The following TDRD12 variants were observed in gnomAD, a reference collection of about 807,000 sequenced individuals.
TDRD12 encodes tudor domain containing 12, also known as putative ATP-dependent RNA helicase TDRD12.
TDRD12 carries 158 observed loss-of-function variants against 133.5 expected under a neutral mutation model. The observed-to-expected ratio is 1.18, with a 90% CI of 1.04 to 1.35. The LOEUF is 1.35. TDRD12 is among the 40% of genes most tolerant of loss of function. The pLI is 0.00. For synonymous variants in TDRD12, 460 were observed against 477.9 expected, an observed-to-expected ratio of 0.96 and a Z score of 0.49; for missense variants, 1,443 against 1,321.3, an observed-to-expected ratio of 1.09 and a Z score of -1.43.
chr19:32,763,154 G>A (rs1357583093), intron 8 of TDRD12, among the ~76,000 whole-genome samples: 2 of 152,192 alleles, frequency 1.3e-5, no homozygotes, highest in Non-Finnish European at 2.9e-5. Flanking sequence ...ACTGGAGTTG[G>A]ATTACTGTCT....
At chr19:32,811,314 A>G (rs1029938877) in exon 24 of TDRD12, 16 of 1,536,004 alleles carry the variant, frequency 1.0e-5, no homozygotes, top group African/African-American at 1.4e-5. Context: ...ACAAGGGACC[A>G]GCTGCTGCAT....
At chr19:32,781,496 T>C (rs895728186) in intron 11 of TDRD12, among the ~76,000 whole-genome samples, 1 of 151,914 alleles carries the variant, frequency 6.6e-6, no homozygotes, top group African/African-American at 2.4e-5. Context: ...GAGCATCCTT[T>C]AGTAGCTTTC....
At chr19:32,818,984 G>A (rs776900777) in intron 27 of TDRD12, among the ~76,000 whole-genome samples, 6 of 152,166 alleles carry the variant, frequency 3.9e-5, no homozygotes, top group Admixed American at 6.5e-5. Flanking sequence ...GGTTGTTGGT[G>A]ACCTTGAGAG....
chr19:32,739,533 C>T (rs1012485045), intron 3 of TDRD12, among the ~76,000 whole-genome samples: 1 of 138,846 alleles, frequency 7.2e-6, no homozygotes, highest in Non-Finnish European at 1.5e-5. Flanking sequence ...TCTCCTGGGG[C>T]TCTCTTTGCA....
At chr19:32,758,763 C>T (rs899813155) in intron 8 of TDRD12, among the ~76,000 whole-genome samples, 1 of 151,988 alleles carries the variant, frequency 6.6e-6, no homozygotes, top group Admixed American at 6.6e-5. Flanking sequence ...GGTGAAACCC[C>T]GTCTCTGCTA....
chr19:32,752,620 T>G (rs929250073), intron 6 of TDRD12, among the ~76,000 whole-genome samples: 2 of 152,172 alleles, frequency 1.3e-5, no homozygotes, highest in African/African-American at 4.8e-5. Context: ...ACTATCATTA[T>G]TGCCTTGCTC....
chr19:32,810,960 A>G (rs960529083), intron 23 of TDRD12, among the ~76,000 whole-genome samples: 1 of 151,976 alleles, frequency 6.6e-6, no homozygotes, highest in African/African-American at 2.4e-5. Context: ...TTAATTTGCT[A>G]TGTTAATTTT....
intron 27 of TDRD12, among the ~76,000 whole-genome samples, chr19:32,819,427 C>T (rs1399467406): frequency 1.3e-5 from 2 of 151,844 alleles, no homozygotes; most frequent in African/African-American, 2.4e-5. Flanking sequence ...TTTCCCTCTA[C>T]TTTCAAGAAA....
chr19:32,755,604 G>T (rs1442518345), intron 6 of TDRD12, among the ~76,000 whole-genome samples: 5 of 152,194 alleles, frequency 3.3e-5, no homozygotes. Flanking sequence ...GATTTTAAAA[G>T]AATTTTGCCT....
At chr19:32,720,015 CG>C in exon 1 of TDRD12, 1 of 1,541,584 alleles carries the variant, frequency 6.5e-7, no homozygotes, top group Non-Finnish European at 8.7e-7. Flanking sequence ...CAGCCTCACC[CG>C]CGACGGTAGG....
intron 13 of TDRD12, 36 bp downstream of exon 13, chr19:32,791,104 G>A: frequency 6.6e-7 from 1 of 1,514,564 alleles, no homozygotes; most frequent in Non-Finnish European, 8.8e-7. Flanking sequence ...TATCAAGAAT[G>A]CCAACTTTTT....
intron 11 of TDRD12, among the ~76,000 whole-genome samples, chr19:32,788,071 A>T (rs1970960763): frequency 6.6e-6 from 1 of 151,678 alleles, no homozygotes; most frequent in Admixed American, 6.6e-5. Context: ...CCATCTTGAA[A>T]GTGCCTGCTC....
At position 32,791,881 on chromosome 19, in the gene TDRD12, G is replaced by C. The variant is rs114432845; in HGVS notation, c.1287+813G>C. Among the ~76,000 whole-genome samples, 867 of 151,510 alleles carry C rather than the reference G, an allele frequency of 5.7e-3. 8 individuals carry two copies. Among genetic ancestry groups the C allele is most frequent in the African/African-American group, 0.02 (818 of 41,228 alleles). On this transcript the variant is annotated intron_variant, in intron 13 of 27. Coordinates refer to ENST00000444215, the Ensembl canonical transcript of TDRD12. ...CCCCAGAGCCTCCAGTTGGGCGTTA[G>C]TGTCTTGCTGTCCACCATGAACAGA...
At chr19:32,810,334 T>C (rs768498002) in intron 23 of TDRD12, 57 bp downstream of exon 23, 6 of 1,380,110 alleles carry the variant, frequency 4.3e-6, no homozygotes, top group Non-Finnish European at 5.7e-6. Context: ...AACTAAGTGG[T>C]GTTGAGTTCC....
At chr19:32,758,884 A>G (rs1394846525) in intron 8 of TDRD12, among the ~76,000 whole-genome samples, 4 of 151,986 alleles carry the variant, frequency 2.6e-5, no homozygotes, top group Admixed American at 2.0e-4. Context: ...CAGTGAGCCA[A>G]GATTATGTCA....
At chr19:32,775,722 T>C (rs1970563197) in intron 10 of TDRD12, among the ~76,000 whole-genome samples, 1 of 151,420 alleles carries the variant, frequency 6.6e-6, no homozygotes, top group Non-Finnish European at 1.5e-5. Context: ...CACTTGGGAG[T>C]GCTGGCCTTT....
intron 11 of TDRD12, among the ~76,000 whole-genome samples, chr19:32,777,857 ATTTTTTTTTTTTTTTTTT>A (rs869285558): frequency 6.5e-4 from 13 of 20,040 alleles, no homozygotes; most frequent in Admixed American, 2.5e-3. Flanking sequence ...ATATATATAT[ATTTTTTTTTTTTTTTTTT>A]TTTTTTTTTT....
chr19:32,789,736 C>T (rs1971013782), intron 11 of TDRD12, among the ~76,000 whole-genome samples: 1 of 152,204 alleles, frequency 6.6e-6, no homozygotes, highest in African/African-American at 2.4e-5. Context: ...CGCAGTGGCT[C>T]ACGCCTATAA....
chr19:32,796,103 T>C, intron 14 of TDRD12: 1 of 973,068 alleles, frequency 1.0e-6, no homozygotes, highest in Non-Finnish European at 1.2e-6. Flanking sequence ...GGCATGGCCC[T>C]GTGCTGCTGG....
Sources: allele counts gnomAD v4.1 joint callset (sites outside exome capture counted in the v4.1 genomes callset), GRCh38; gene constraint gnomAD v4.1.1; transcripts MANE v1.5; gene names NCBI Gene and HGNC (gene_info 2026-07-23, HGNC 2026-07-21).